Variants in ABCB7 observed in about 807,000 individuals in gnomAD.
The protein encoded by ABCB7 is ATP binding cassette subfamily B member 7.
ABCB7 carries 7 observed loss-of-function variants against 54.4 expected under a neutral mutation model. That is an observed-to-expected ratio of 0.13 (90% CI 0.07 to 0.24). The LOEUF is 0.24. Ranked by LOEUF, ABCB7 falls within the 10% of genes least tolerant of loss-of-function variation. The probability of loss-of-function intolerance (pLI) is 1.00; values close to 1 mark genes in which losing one functional copy is unlikely to be tolerated. For missense variants in ABCB7, 356 were observed against 570.4 expected (o/e 0.62, Z 3.83); for synonymous variants, 218 against 207.1 (o/e 1.05, Z -0.45).
chrX:75,140,236 C>G (rs1012694915), intron 1 of ABCB7, among the ~76,000 whole-genome samples: 1 of 111,073 alleles, frequency 9.0e-6, no homozygotes, highest in Admixed American at 9.6e-5. Flanking sequence ...GAAGGAGAAA[C>G]TTATTCTATC....
rs760243110 is a variant in ABCB7, at chrX:75,156,130, G to A, written c.143C>T (p.Ala48Val). 1.7e-6 allele frequency: 2 copies of A among 1,209,706 alleles called. No homozygotes were observed. Among genetic ancestry groups the A allele is most frequent in the Middle Eastern group, 4.6e-4 (2 of 4,351 alleles). Residue 48 changes from alanine to valine, a missense_variant, in exon 1 of 16, where the codon GCC becomes GTC. Transcript: ENST00000373394. ...CTGGTAGGCTCGAGCGGTTCCCAAG[G>A]CGCCGAGTTGATGTGGCCTCCACTG... is the stretch of plus-strand genomic sequence containing the variant. ...GPQWRPHQLG[A>V]LGTARAYQIP...
intron 4 of ABCB7, among the ~76,000 whole-genome samples, chrX:75,092,489 A>G (rs1029989526): frequency 9.0e-6 from 1 of 111,708 alleles, no homozygotes; most frequent in Non-Finnish European, 1.9e-5. Context: ...AAGATAACGT[A>G]AGATAAAATC....
At position 75,051,304 on chromosome X, in the gene ABCB7, C is replaced by CTTA. The variant is rs2081194973; in HGVS notation, c.*2065_*2066insTAA. Among the ~76,000 whole-genome samples the CTTA allele has an allele frequency of 9.0e-6, 1 of 111,153 alleles. No homozygotes were observed. Among genetic ancestry groups the CTTA allele is most frequent in the Admixed American group, 9.6e-5 (1 of 10,446 alleles). ...TACCTTTATATAGCAAGAGTGGACA[C>CTTA]CTAAGTTAGATAAGTTCAGCTATCC... On this transcript the variant is annotated 3_prime_UTR_variant, in exon 16 of 16. Transcript: ENST00000373394.
chrX:75,068,505 C>A (rs757495950), intron 12 of ABCB7, among the ~76,000 whole-genome samples: 2 of 112,053 alleles, frequency 1.8e-5, no homozygotes, highest in Non-Finnish European at 1.9e-5. Context: ...GAGTGGTTAA[C>A]AAGGCATACA....
chrX:75,139,640 T>C (rs1403246674), intron 1 of ABCB7, among the ~76,000 whole-genome samples: 1 of 112,424 alleles, frequency 8.9e-6, no homozygotes, highest in Non-Finnish European at 1.9e-5. Context: ...TTATTCTATA[T>C]ACTCAATGAA....
intron 1 of ABCB7, among the ~76,000 whole-genome samples, chrX:75,119,205 T>C (rs2081852053): frequency 8.9e-6 from 1 of 112,135 alleles, no homozygotes; most frequent in Admixed American, 9.4e-5. Context: ...TGTGCAAAGA[T>C]AGTGAAATGA....
chrX:75,148,247 G>C (rs1328621536), intron 1 of ABCB7, among the ~76,000 whole-genome samples: 1 of 112,169 alleles, frequency 8.9e-6, no homozygotes, highest in Non-Finnish European at 1.9e-5. Context: ...AAAAAGGTCA[G>C]TTCATCAATT....
At chrX:75,115,051 C>T (rs771199673) in intron 1 of ABCB7, among the ~76,000 whole-genome samples, 11 of 109,864 alleles carry the variant, frequency 1.0e-4, no homozygotes, top group African/African-American at 3.6e-4. Flanking sequence ...GGGCGGATCA[C>T]GAGGTCTGGA....
Position 75,156,066 on chromosome X carries a change from T to C in ABCB7, c.168+39A>G, listed in dbSNP as rs758666998. The C allele has an allele frequency of 2.5e-6, 3 of 1,202,910 alleles. No individual in the cohort carries two copies. The East Asian group carries it at 8.9e-5, about 36-fold the overall frequency. Reference sequence around the variant, plus strand: ...GCAACCTTTTCCCTACAGGTCCCCTTGCCCTTCACCCTATTCTTCCATGTC... The same window carrying C: ...GCAACCTTTTCCCTACAGGTCCCCTCGCCCTTCACCCTATTCTTCCATGTC... On this transcript the variant is annotated intron_variant, in intron 1 of 15. Transcript: ENST00000373394.
chrX:75,101,888 A>C (rs764968312), intron 3 of ABCB7, among the ~76,000 whole-genome samples: 1 of 112,066 alleles, frequency 8.9e-6, no homozygotes, highest in Non-Finnish European at 1.9e-5. Context: ...TCACCACTTC[A>C]TTTAACAAAA....
At chrX:75,060,912 C>T (rs1236114081) in intron 14 of ABCB7, among the ~76,000 whole-genome samples, 4 of 111,613 alleles carry the variant, frequency 3.6e-5, no homozygotes, top group Non-Finnish European at 5.7e-5. Context: ...TGTTTATTCC[C>T]TGTAAAGTAT....
chrX:75,146,865 C>G (rs2082094627), intron 1 of ABCB7, among the ~76,000 whole-genome samples: 1 of 111,087 alleles, frequency 9.0e-6, no homozygotes, highest in Non-Finnish European at 1.9e-5. Context: ...AAGAAACTGT[C>G]AACAGAGTAA....
chrX:75,113,306 T>C (rs1024650537), intron 2 of ABCB7, among the ~76,000 whole-genome samples: 4 of 112,299 alleles, frequency 3.6e-5, no homozygotes, highest in African/African-American at 9.7e-5. Flanking sequence ...TAATCTCTTA[T>C]TCCATTATTG....
chrX:75,121,576 G>A (rs891492486), intron 1 of ABCB7, among the ~76,000 whole-genome samples: 4 of 111,671 alleles, frequency 3.6e-5, no homozygotes, highest in Non-Finnish European at 7.5e-5. Flanking sequence ...GAAGAAACAA[G>A]AGGGATGGGT....
rs780315886 is a variant in ABCB7, at chrX:75,075,606, G to A, written c.611C>T (p.Ala204Val). The change falls in exon 6 of 16, where the codon GCT becomes GTT. Residue 204 changes from alanine (A) to valine (V), a missense_variant. This residue lies in a region of ABCB7 where 241 missense variants were observed against 470.9 expected (regional missense o/e 0.51). Coordinates refer to ENST00000373394, the MANE Select transcript of ABCB7 (RefSeq NM_001271696.3). ...TGCATTTCGAACTTCGTTAAAAAAA[G>A]CAGCTCCAGCTCTTGATACACCATC... ...IGYGVSRAGA[A>V]FFNEVRNAVF... 8.3e-7 allele frequency: 1 copy of A among 1,207,731 alleles called. No homozygotes were observed. Among genetic ancestry groups the A allele is most frequent in the South Asian group, 1.8e-5 (1 of 56,710 alleles).
chrX:75,069,233 T>C, intron 11 of ABCB7, 58 bp downstream of exon 11: 27 of 1,200,687 alleles, frequency 2.2e-5, no homozygotes, highest in Non-Finnish European at 3.0e-5. Context: ...GAAAGAAATA[T>C]TACATTGGGA....
At chrX:75,114,677 G>T (rs2081792339) in intron 2 of ABCB7, 77 bp downstream of exon 2, 2 of 828,450 alleles carry the variant, frequency 2.4e-6, no homozygotes, top group Admixed American at 4.9e-5. Context: ...TGTAAAATAT[G>T]TAGTATAAAT....
rs201924920 is a variant in ABCB7 at position 75,053,419 on chromosome X, T to C, written c.2210A>G (p.Gln737Arg). ...ISKEEERKKL[Q>R]EEIVNSVKGC... ...TTTCACACTATTGACAATTTCTTCT[T>C]GTAGTTTCTTTCTTTCCTCCTCTTT... Residue 737 changes from glutamine to arginine, a missense_variant, in exon 16 of 16, where the codon CAA becomes CGA. Coordinates refer to ENST00000373394, the MANE Select transcript of ABCB7 (RefSeq NM_001271696.3). The C allele has an allele frequency of 6.6e-6, 8 of 1,209,852 alleles. No homozygotes were observed. The East Asian group carries it at 2.4e-4, about 36-fold the overall frequency.
chrX:75,095,747 C>T (rs1193912183), intron 4 of ABCB7, among the ~76,000 whole-genome samples: 2 of 112,468 alleles, frequency 1.8e-5, no homozygotes, highest in African/African-American at 6.5e-5. Context: ...TTCTGCTTAT[C>T]TGCAATCAGT....
Sources: allele counts gnomAD v4.1 joint callset (sites outside exome capture counted in the v4.1 genomes callset), GRCh38; gene constraint gnomAD v4.1.1; regional missense constraint gnomAD v4.1.1; transcripts MANE v1.5; gene names NCBI Gene and HGNC (gene_info 2026-07-23, HGNC 2026-07-21).